Variants in GCNT2 observed in about 807,000 individuals in gnomAD.
GCNT2 encodes the protein N-acetyllactosaminide beta-1,6-N-acetylglucosaminyl-transferase.
In GCNT2, 34 loss-of-function variants were observed where a neutral mutation model predicts 34.2. That is an observed-to-expected ratio of 1.00 (90% confidence interval 0.76 to 1.32). The LOEUF is 1.32. Among genes scored for constraint, GCNT2 ranks in the 40% most tolerant of loss-of-function variants. GCNT2 has a pLI of 0.00. For missense variants in GCNT2, 584 were observed against 489.4 expected, an observed-to-expected ratio of 1.19 and a Z score of -1.82; for synonymous variants, 212 against 188.0, an observed-to-expected ratio of 1.13 and a Z score of -1.04.
intron 3 of GCNT2, among the ~76,000 whole-genome samples, chr6:10,609,356 T>A (rs7757094): frequency 6.6e-6 from 1 of 152,166 alleles, no homozygotes; most frequent in Admixed American, 6.5e-5. Flanking sequence ...TCAAGCTTGC[T>A]TTTACAATAA....
chr6:10,522,619 C>G (rs961427784), intron 1 of GCNT2, among the ~76,000 whole-genome samples: 2 of 152,102 alleles, frequency 1.3e-5, no homozygotes, highest in African/African-American at 2.4e-5. Flanking sequence ...TTGCAATTAT[C>G]GGAAGAAGGG....
intron 3 of GCNT2, among the ~76,000 whole-genome samples, chr6:10,559,763 A>G (rs766910173): frequency 1.3e-5 from 2 of 152,234 alleles, no homozygotes; most frequent in African/African-American, 4.8e-5. Context: ...GTCCTGTCTG[A>G]TTCTGCAAGG....
intron 3 of GCNT2, among the ~76,000 whole-genome samples, chr6:10,572,594 C>T (rs960189661): frequency 1.3e-5 from 2 of 152,104 alleles, no homozygotes; most frequent in Non-Finnish European, 2.9e-5. Context: ...ATTAGCCGGA[C>T]CTAGTGGCGG....
intron 3 of GCNT2, among the ~76,000 whole-genome samples, chr6:10,545,779 G>C (rs992423241): frequency 6.6e-6 from 1 of 152,172 alleles, no homozygotes; most frequent in Non-Finnish European, 1.5e-5. Context: ...GAGGGTGTAA[G>C]ACTTCCTTGC....
chr6:10,524,098 G>A (rs956478764), intron 1 of GCNT2, among the ~76,000 whole-genome samples: 5 of 151,948 alleles, frequency 3.3e-5, no homozygotes, highest in South Asian at 4.2e-4. Flanking sequence ...GATCCATGCT[G>A]GATCTTGGTT....
At chr6:10,541,268 G>A (rs540542363) in intron 3 of GCNT2, among the ~76,000 whole-genome samples, 3 of 152,198 alleles carry the variant, frequency 2.0e-5, no homozygotes, top group South Asian at 2.1e-4. Flanking sequence ...CGGTGTTTGG[G>A]TATTCTGTCT....
intron 3 of GCNT2, among the ~76,000 whole-genome samples, chr6:10,599,734 A>G (rs1765018577): frequency 1.3e-5 from 2 of 152,206 alleles, no homozygotes; most frequent in South Asian, 2.1e-4. Flanking sequence ...AAGGAATGAT[A>G]ATAACTGCTA....
At chr6:10,549,252 T>C (rs1350940923) in intron 3 of GCNT2, among the ~76,000 whole-genome samples, 1 of 152,178 alleles carries the variant, frequency 6.6e-6, no homozygotes, top group Non-Finnish European at 1.5e-5. Context: ...CCCTGCTCTA[T>C]AGTAACTGTT....
At chr6:10,548,765 C>CTT (rs55678541) in intron 3 of GCNT2, among the ~76,000 whole-genome samples, 7 of 145,710 alleles carry the variant, frequency 4.8e-5, no homozygotes, top group South Asian at 2.2e-4. Context: ...ATTTGGAGAC[C>CTT]TTTTTTTTTT....
Position 10,594,685 on chromosome 6 carries a change from C to T in GCNT2, c.926-26666C>T, listed in dbSNP as rs6925484. Reference sequence around the variant, plus strand: ...ACCTACATGTGGTCTTGTGTTCCTACACTAATGAGATCCTCAAGGTGTTGA... The same window carrying T: ...ACCTACATGTGGTCTTGTGTTCCTATACTAATGAGATCCTCAAGGTGTTGA... On this transcript the variant is annotated intron_variant, in intron 3 of 4. Coordinates refer to ENST00000495262, the MANE Select transcript of GCNT2 (RefSeq NM_145649.5). Among the ~76,000 whole-genome samples the T allele has an allele frequency of 8.4e-3, 1,283 of 152,272 alleles. 22 individuals are homozygous for T. Among genetic ancestry groups the T allele is most frequent in the African/African-American group, 0.03 (1,227 of 41,534 alleles).
intron 3 of GCNT2, among the ~76,000 whole-genome samples, chr6:10,612,148 G>A (rs551733466): frequency 5.9e-5 from 9 of 152,086 alleles, no homozygotes; most frequent in East Asian, 5.8e-4. Context: ...CACCACGCCC[G>A]GCTAATTTTT....
chr6:10,612,447 C>A (rs1222823920), intron 3 of GCNT2, among the ~76,000 whole-genome samples: 1 of 152,154 alleles, frequency 6.6e-6, no homozygotes, highest in Non-Finnish European at 1.5e-5. Flanking sequence ...CACTGCTAAA[C>A]ATCCTAAACG....
At chr6:10,540,626 A>T (rs939485314) in intron 3 of GCNT2, among the ~76,000 whole-genome samples, 6 of 152,154 alleles carry the variant, frequency 3.9e-5, no homozygotes, top group African/African-American at 1.4e-4. Context: ...ATCCAGCTTC[A>T]TCACTGAGTG....
chr6:10,535,029 C>T (rs1390416257), intron 3 of GCNT2, among the ~76,000 whole-genome samples: 1 of 152,018 alleles, frequency 6.6e-6, no homozygotes, highest in African/African-American at 2.4e-5. Flanking sequence ...ACTAAAAATG[C>T]AAAAATTAAC....
chr6:10,554,407 T>C (rs1353266994), intron 3 of GCNT2, among the ~76,000 whole-genome samples: 2 of 152,246 alleles, frequency 1.3e-5, no homozygotes, highest in Non-Finnish European at 2.9e-5. Context: ...AGTGTCTATA[T>C]TTCTTAATAT....
chr6:10,569,996 G>T (rs1358587918), intron 3 of GCNT2, among the ~76,000 whole-genome samples: 1 of 144,872 alleles, frequency 6.9e-6, no homozygotes, highest in Admixed American at 7.3e-5. Flanking sequence ...TCCTGACAGA[G>T]TTGCACTCTG....
At chr6:10,626,363 A>C in intron 4 of GCNT2, 54 bp from the exon 5 acceptor site, 1 of 1,280,006 alleles carries the variant, frequency 7.8e-7, no homozygotes, top group Non-Finnish European at 1.1e-6. Flanking sequence ...TAAGTTCATC[A>C]CCCTTTTGAA....
chr6:10,525,991 TTAGA>T (rs1320628460), intron 1 of GCNT2, among the ~76,000 whole-genome samples: 2 of 152,194 alleles, frequency 1.3e-5, no homozygotes, highest in Non-Finnish European at 2.9e-5. Context: ...CTTGACTAGT[TTAGA>T]TAAGCATAAT....
At chr6:10,607,563 A>G (rs1765376816) in intron 3 of GCNT2, among the ~76,000 whole-genome samples, 1 of 152,008 alleles carries the variant, frequency 6.6e-6, no homozygotes, top group African/African-American at 2.4e-5. Flanking sequence ...GATCCAGACC[A>G]TTTCACCTCA....
Sources: gnomAD v4.1 joint callset for allele counts (sites outside exome capture counted in the v4.1 genomes callset) on GRCh38, gnomAD v4.1.1 for gene constraint, MANE v1.5 for transcripts, NCBI Gene and HGNC (gene_info 2026-07-23, HGNC 2026-07-21) for gene names.